The following OPRM1 variants were observed in gnomAD, a reference collection of about 807,000 sequenced individuals.
OPRM1 encodes the protein opioid receptor mu 1.
Under a neutral mutation model 31.8 loss-of-function variants are expected in OPRM1, and 27 were observed. The ratio of observed to expected loss-of-function variants is 0.85; its 90% CI spans 0.63 to 1.17. The LOEUF (loss-of-function observed/expected upper bound fraction) is 1.17, where lower values mean the gene tolerates loss of function less well. OPRM1 is among the 50% of genes most tolerant of loss of function. The pLI, the probability that OPRM1 is intolerant of heterozygous loss-of-function variation, is 0.00. For missense variants in OPRM1, 536 were observed against 511.1 expected, an observed-to-expected ratio of 1.05 and a Z score of -0.47; for synonymous variants, 196 against 189.9, an observed-to-expected ratio of 1.03 and a Z score of -0.26.
chr6:154,191,415 T>C (rs1158403170), intron 3 of OPRM1, among the ~76,000 whole-genome samples: 1 of 152,132 alleles, frequency 6.6e-6, no homozygotes, highest in Non-Finnish European at 1.5e-5. Flanking sequence ...GGCTCACGTC[T>C]GTAATCCCAG....
At chr6:154,194,190 A>G (rs1776395324) in intron 3 of OPRM1, among the ~76,000 whole-genome samples, 1 of 152,238 alleles carries the variant, frequency 6.6e-6, no homozygotes, top group African/African-American at 2.4e-5. Flanking sequence ...ACATGAGATC[A>G]GGAGTTCGAG....
intron 3 of OPRM1, among the ~76,000 whole-genome samples, chr6:154,187,365 T>TC (rs1384026725): frequency 6.6e-6 from 1 of 152,218 alleles, no homozygotes; most frequent in African/African-American, 2.4e-5. Flanking sequence ...CCTACCAGTC[T>TC]CTCCCCTCAG....
chr6:154,166,437 G>A (rs1399917905), intron 3 of OPRM1, among the ~76,000 whole-genome samples: 2 of 152,270 alleles, frequency 1.3e-5, no homozygotes, highest in African/African-American at 2.4e-5. Context: ...TTCTCCCAAC[G>A]TGGAACTACA....
rs1797843828 is a variant in OPRM1 at position 154,130,629 on chromosome 6, T to C, written c.*11908T>C. 6.6e-6 allele frequency among the ~76,000 whole-genome samples: 1 copy of C among 152,128 alleles called. No individual in the cohort carries two copies. Among genetic ancestry groups the C allele is most frequent in the African/African-American group, 2.4e-5 (1 of 41,424 alleles). The stretch of plus-strand genomic sequence containing the variant: ...ATAGGAATTAAGTTAGAAATACTAG[T>C]ATATATATTCCCTTTATATACTAAT... On this transcript the variant is annotated 3_prime_UTR_variant, in exon 4 of 4. Transcript: ENST00000330432.
intron 1 of OPRM1, among the ~76,000 whole-genome samples, chr6:154,014,945 T>C (rs771647744): frequency 1.2e-4 from 19 of 152,124 alleles, no homozygotes; most frequent in Non-Finnish European, 1.9e-4. Flanking sequence ...CCAAAATGTA[T>C]AATAATATAA....
chr6:154,172,520 T>G (rs1799958096), intron 3 of OPRM1, among the ~76,000 whole-genome samples: 1 of 152,194 alleles, frequency 6.6e-6, no homozygotes, highest in Non-Finnish European at 1.5e-5. Flanking sequence ...CCCACACCCA[T>G]GGAGCCTTGC....
intron 3 of OPRM1, among the ~76,000 whole-genome samples, chr6:154,186,696 A>G (rs9371332): frequency 0.055 from 8,421 of 151,984 alleles, 338 homozygotes; most frequent in South Asian, 0.19. Flanking sequence ...AGCTGGGACT[A>G]CAGGCGCCCG....
At chr6:154,028,633 A>G (rs909846249) in intron 1 of OPRM1, among the ~76,000 whole-genome samples, 3 of 152,162 alleles carry the variant, frequency 2.0e-5, no homozygotes, top group African/African-American at 7.2e-5. Context: ...TCAAGTTCAG[A>G]CCACTGGGAT....
At chr6:154,220,794 A>T (rs1285478667) in intron 3 of OPRM1, among the ~76,000 whole-genome samples, 1 of 152,218 alleles carries the variant, frequency 6.6e-6, no homozygotes, top group African/African-American at 2.4e-5. Context: ...TTTAAGTTTG[A>T]TGTACTCCGA....
intron 3 of OPRM1, chr6:154,093,262 T>G: frequency 6.2e-7 from 1 of 1,606,226 alleles, no homozygotes; most frequent in Non-Finnish European, 8.5e-7. Flanking sequence ...TGACTCTTTC[T>G]CCTTTAGTGC....
intron 3 of OPRM1, chr6:154,091,733 T>A (rs1792289359): frequency 8.3e-7 from 1 of 1,208,214 alleles, no homozygotes. Flanking sequence ...TTATGGCCTT[T>A]ACTTCTATGC....
At chr6:154,155,205 G>C (rs1049441423) in intron 3 of OPRM1, 3 of 152,136 alleles carry the variant, frequency 2.0e-5, no homozygotes, top group Non-Finnish European at 2.9e-5. Context: ...TGTGAGGAGA[G>C]AAATTATCCC....
intron 1 of OPRM1, among the ~76,000 whole-genome samples, chr6:154,033,647 A>G (rs1339155674): frequency 6.6e-6 from 1 of 152,192 alleles, no homozygotes; most frequent in African/African-American, 2.4e-5. Flanking sequence ...CAAAAGAGTG[A>G]TTTGCTCAAG....
chr6:154,093,603 C>T, intron 3 of OPRM1: 1 of 1,397,614 alleles, frequency 7.2e-7, no homozygotes, highest in Non-Finnish European at 9.5e-7. Context: ...TTTAAAAATA[C>T]ATCCAATTAG....
In OPRM1 at chr6:154,021,556, T is replaced by A. The variant is rs533314049; in HGVS notation, c.-1+10538T>A. Among the ~76,000 whole-genome samples, 10 of 152,218 alleles carry A rather than the reference T, an allele frequency of 6.6e-5. 1 individual carries two copies. The highest frequency in any genetic ancestry group is 1.3e-4 in the Non-Finnish European group (9 of 68,040). ...TATACATCAAGTTGGGAAGAAGTGATGTCTTGATAATATTGAGTCTTCTTA... is the reference window on the plus strand; with the variant it reads ...TATACATCAAGTTGGGAAGAAGTGAAGTCTTGATAATATTGAGTCTTCTTA... On this transcript the variant is annotated intron_variant, in intron 1 of 5. Transcript: ENST00000434900.
intron 3 of OPRM1, chr6:154,107,813 G>A (rs768913545): frequency 1.4e-6 from 1 of 717,994 alleles, no homozygotes; most frequent in East Asian, 2.7e-5. Context: ...GCTTACAGGT[G>A]TTCCAAGCCC....
chr6:154,090,922 T>C, intron 2 of OPRM1, 30 bp from the exon 3 acceptor site: 1 of 1,586,452 alleles, frequency 6.3e-7, no homozygotes, highest in South Asian at 1.2e-5. Context: ...ATGTTGCTGC[T>C]AATTTTTCCT....
chr6:154,098,727 A>G (rs1269282842), intron 3 of OPRM1, among the ~76,000 whole-genome samples: 1 of 152,240 alleles, frequency 6.6e-6, no homozygotes, highest in Non-Finnish European at 1.5e-5. Context: ...GCAAATAAAT[A>G]TTTGTAAATT....
At chr6:154,174,890 C>A (rs1800186674) in intron 3 of OPRM1, among the ~76,000 whole-genome samples, 1 of 152,220 alleles carries the variant, frequency 6.6e-6, no homozygotes. Context: ...CACCACATCA[C>A]ACTTATTCTA....
Sources: gnomAD v4.1 joint callset for allele counts (sites outside exome capture counted in the v4.1 genomes callset) on GRCh38, gnomAD v4.1.1 for gene constraint, MANE v1.5 for transcripts, NCBI Gene and HGNC (gene_info 2026-07-23, HGNC 2026-07-21) for gene names.